Variants in MACROD2 observed in about 807,000 individuals in gnomAD.
MACROD2 encodes the protein ADP-ribose glycohydrolase MACROD2.
In MACROD2, 36 loss-of-function variants were observed where a neutral mutation model predicts 70.4. The observed-to-expected ratio is 0.51, with a 90% CI of 0.39 to 0.68. The LOEUF (loss-of-function observed/expected upper bound fraction) is 0.68, where lower values mean the gene tolerates loss of function less well. Ranked by LOEUF, MACROD2 falls within the 30% of genes least tolerant of loss-of-function variation. The probability of loss-of-function intolerance (pLI) is 0.00; values close to 1 mark genes in which losing one functional copy is unlikely to be tolerated. For synonymous variants in MACROD2, 172 were observed against 178.8 expected (o/e 0.96, Z 0.30); for missense variants, 496 against 538.4 (o/e 0.92, Z 0.78).
Position 14,707,879 on chromosome 20 carries a change from G to T in MACROD2, c.418+22920G>T, listed in dbSNP as rs2071288899. 3.9e-5 allele frequency among the ~76,000 whole-genome samples: 6 copies of T among 152,174 alleles called. No homozygotes were observed. The South Asian group carries it at 1.2e-3, about 32-fold the overall frequency. ...ATTAAAATAATACTCATAAGGTTTG[G>T]ATTAATAGAAAATACTCATATTTAT... On this transcript the variant is annotated intron_variant, in intron 5 of 17. Transcript: ENST00000684519.
At chr20:15,204,721 C>G (rs953642899) in intron 5 of MACROD2, among the ~76,000 whole-genome samples, 13 of 152,064 alleles carry the variant, frequency 8.5e-5, no homozygotes, top group African/African-American at 2.7e-4. Context: ...CCTATAAATT[C>G]AGAACATAAT....
At chr20:14,872,380 A>G (rs919163597) in intron 5 of MACROD2, among the ~76,000 whole-genome samples, 7 of 152,096 alleles carry the variant, frequency 4.6e-5, no homozygotes, top group African/African-American at 1.4e-4. Flanking sequence ...TTCTAATTGC[A>G]GAGGAGGCTA....
At chr20:15,759,566 C>A (rs981037417) in intron 8 of MACROD2, among the ~76,000 whole-genome samples, 8 of 152,120 alleles carry the variant, frequency 5.3e-5, no homozygotes, top group Admixed American at 2.0e-4. Flanking sequence ...TCACTTGTAC[C>A]TATTTCCCAA....
intron 5 of MACROD2, chr20:14,905,852 C>A (rs2073952336): frequency 6.6e-6 from 1 of 152,204 alleles, no homozygotes; most frequent in African/African-American, 2.4e-5. Flanking sequence ...AGCTCCTGAA[C>A]CACTCCATCA....
intron 5 of MACROD2, among the ~76,000 whole-genome samples, chr20:15,076,414 A>G (rs1448634773): frequency 2.6e-5 from 4 of 152,184 alleles, no homozygotes; most frequent in African/African-American, 9.6e-5. Context: ...TATATCATTA[A>G]GCCAAACTGT....
At chr20:15,347,045 C>T (rs2078174301) in intron 6 of MACROD2, among the ~76,000 whole-genome samples, 1 of 152,178 alleles carries the variant, frequency 6.6e-6, no homozygotes, top group South Asian at 2.1e-4. Context: ...TTGCTGCCTT[C>T]ACAACTTTTT....
At chr20:15,903,805 C>A (rs1029363388) in intron 10 of MACROD2, among the ~76,000 whole-genome samples, 2 of 152,070 alleles carry the variant, frequency 1.3e-5, no homozygotes, top group African/African-American at 2.4e-5. Flanking sequence ...ATAGACTGGG[C>A]TAAGGGAAGA....
At chr20:15,067,385 T>C (rs1242297913) in intron 5 of MACROD2, among the ~76,000 whole-genome samples, 2 of 152,202 alleles carry the variant, frequency 1.3e-5, no homozygotes, top group African/African-American at 4.8e-5. Flanking sequence ...AGTCTCACTC[T>C]GTTGCTCAGG....
chr20:14,891,578 T>C (rs542435699), intron 5 of MACROD2, among the ~76,000 whole-genome samples: 114 of 152,300 alleles, frequency 7.5e-4, no homozygotes, highest in African/African-American at 2.4e-3. Flanking sequence ...TATGTGTTGG[T>C]TTCATTTTCT....
intron 6 of MACROD2, among the ~76,000 whole-genome samples, chr20:15,315,066 GA>G (rs2077794378): frequency 6.6e-6 from 1 of 152,150 alleles, no homozygotes; most frequent in Non-Finnish European, 1.5e-5. Context: ...GTAGGTAGAA[GA>G]AAGAATCAGC....
chr20:14,329,451 A>AGGGATAG (rs2122596746), intron 3 of MACROD2: 2 of 152,212 alleles, frequency 1.3e-5, no homozygotes, highest in East Asian at 3.9e-4. Context: ...GTTAGTCAGA[A>AGGGATAG]GGGATAGGTT....
At chr20:14,270,753 T>C (rs1251444946) in intron 3 of MACROD2, among the ~76,000 whole-genome samples, 1 of 152,170 alleles carries the variant, frequency 6.6e-6, no homozygotes, top group Non-Finnish European at 1.5e-5. Flanking sequence ...AGCTCTGGTC[T>C]ACAGCTCCCA....
intron 7 of MACROD2, among the ~76,000 whole-genome samples, chr20:15,484,256 T>A (rs977797629): frequency 6.6e-6 from 1 of 152,036 alleles, no homozygotes; most frequent in Non-Finnish European, 1.5e-5. Flanking sequence ...CCAAACATAA[T>A]GTACTACGTA....
At chr20:14,800,828 T>C (rs1196641307) in intron 5 of MACROD2, among the ~76,000 whole-genome samples, 1 of 152,068 alleles carries the variant, frequency 6.6e-6, no homozygotes, top group Non-Finnish European at 1.5e-5. Flanking sequence ...GCCTATTTAA[T>C]TGTAGTGCTC....
chr20:14,502,919 G>A (rs572113436), intron 4 of MACROD2, among the ~76,000 whole-genome samples: 47 of 152,236 alleles, frequency 3.1e-4, no homozygotes, highest in African/African-American at 6.3e-4. Flanking sequence ...ATAAGGAAGC[G>A]TCTTTCAAGT....
At chr20:15,572,366 A>G (rs917245587) in intron 8 of MACROD2, among the ~76,000 whole-genome samples, 6 of 151,896 alleles carry the variant, frequency 4.0e-5, no homozygotes, top group African/African-American at 1.4e-4. Flanking sequence ...CTTTAGTAAT[A>G]TACTTGTGCA....
At chr20:15,606,458 G>A (rs1703554024) in intron 8 of MACROD2, among the ~76,000 whole-genome samples, 1 of 152,262 alleles carries the variant, frequency 6.6e-6, no homozygotes, top group African/African-American at 2.4e-5. Context: ...CAGCCTTCCT[G>A]TGGGTCTGGG....
intron 7 of MACROD2, among the ~76,000 whole-genome samples, chr20:15,494,782 C>CGT (rs1377567121): frequency 5.8e-4 from 86 of 147,912 alleles, no homozygotes; most frequent in South Asian, 8.6e-4. Context: ...TGTGTGCGCG[C>CGT]GTGTGTGCAG....
intron 6 of MACROD2, among the ~76,000 whole-genome samples, chr20:15,285,424 G>A (rs924988841): frequency 6.6e-6 from 1 of 152,076 alleles, no homozygotes; most frequent in African/African-American, 2.4e-5. Context: ...AATTTTCTTT[G>A]AACTAGCTTT....
Sources: allele counts gnomAD v4.1 joint callset (sites outside exome capture counted in the v4.1 genomes callset), GRCh38; gene constraint gnomAD v4.1.1; transcripts MANE v1.5; gene names NCBI Gene and HGNC (gene_info 2026-07-23, HGNC 2026-07-21).